SEC24C: variants seen among roughly 807,000 people sequenced by gnomAD.
SEC24C encodes the protein protein transport protein Sec24C.
A neutral mutation model predicts 117.0 loss-of-function variants in SEC24C; 22 were observed. The ratio of observed to expected loss-of-function variants is 0.19; its 90% CI spans 0.13 to 0.27. SEC24C has a LOEUF of 0.27. SEC24C is among the 10% of genes least tolerant of loss of function. The probability of loss-of-function intolerance (pLI) is 1.00; values close to 1 mark genes in which losing one functional copy is unlikely to be tolerated. For missense variants in SEC24C, 1,155 were observed against 1,375.1 expected, an observed-to-expected ratio of 0.84 and a Z score of 2.53; for synonymous variants, 506 against 529.4, an observed-to-expected ratio of 0.96 and a Z score of 0.61.
chr10:73,769,801 C>T lies in SEC24C; in HGVS notation c.2683-35C>T, dbSNP rs781515619. On this transcript the variant is annotated intron_variant, in intron 19 of 22. Transcript: ENST00000345254. This position sits in a 1 kb window ranked among gnomAD's most constrained non-coding sequence, Gnocchi z 4.5. ...ATGTTTGCATTTGGGAGGGATTTCT[C>T]ATGATCATTGACTTTATTTTGATAA... 11 of 1,612,558 alleles carry T rather than the reference C, an allele frequency of 6.8e-6. No homozygotes were observed. In the Admixed American group the frequency reaches 1.3e-4, roughly 20 times the overall value.
rs564023785 is a variant in SEC24C, at chr10:73,766,944, G to A, written c.1893+91G>A. ...ATACAACCTCTCTTTCTTCAGTAGT[G>A]GGTGACTGTCCAGTGTGTTAGACTG... On this transcript the variant is annotated intron_variant, in intron 13 of 22. Transcript: ENST00000345254. 13 of 1,389,474 alleles carry A rather than the reference G, an allele frequency of 9.4e-6. No individual in the cohort carries two copies. In the Admixed American group the frequency reaches 1.3e-4, roughly 14 times the overall value. The allele number at this position is 1,389,474 out of a possible 1,614,324, so 86.1% of individuals were successfully genotyped here.
rs1343722472 is a variant in SEC24C at position 73,770,115 on chromosome 10, G to A, written c.2862+100G>A. The A allele has an allele frequency of 1.4e-5, 18 of 1,304,494 alleles. No individual in the cohort carries two copies. The African/African-American group carries it at 1.9e-4, about 14-fold the overall frequency. The allele number at this position is 1,304,494 out of a possible 1,614,324, so 80.8% of individuals were successfully genotyped here. A position where few individuals can be genotyped will look rare whatever the true frequency, so the allele number is the denominator to read the frequency against. On this transcript the variant is annotated intron_variant, in intron 20 of 22. Transcript: ENST00000345254. ...TATCAGTCAGACACTAGTGGAATTT[G>A]TTTTTATGTATTTTAGCTGATGTAA...
chr10:73,767,273 A>C (rs1479149112), intron 14 of SEC24C, 103 bp downstream of exon 14: 1 of 737,318 alleles, frequency 1.4e-6, no homozygotes, highest in Non-Finnish European at 2.4e-6. Flanking sequence ...CCACCCTTTC[A>C]AATACCATAT....
At chr10:73,759,914 T>C in intron 4 of SEC24C, 104 bp from the exon 5 acceptor site, 4 of 1,489,856 alleles carry the variant, frequency 2.7e-6, no homozygotes, top group Non-Finnish European at 3.6e-6. Flanking sequence ...CCTCAGAAGA[T>C]GGGACAGTCA....
chr10:73,760,020 C>A lies in SEC24C; in HGVS notation c.484C>A (p.Pro162Thr), dbSNP rs368906541. ...TCTACCTTTATTCTACTTCTCAGGCCCACCAACATCGCTGGCTTCAGCCTC... is the reference window on the plus strand; with the variant it reads ...TCTACCTTTATTCTACTTCTCAGGCACACCAACATCGCTGGCTTCAGCCTC... Reference protein sequence around the residue: ...APPSSGLGFGPPTSLASASGS... With the variant: ...APPSSGLGFGTPTSLASASGS... The change falls in exon 5 of 23, where the codon CCA (proline) becomes ACA (threonine). Residue 162 changes from proline (P) to threonine (T), a missense_variant and splice_region_variant. Pro to Thr is a conservative substitution (Grantham distance 38). Transcript: ENST00000345254. The A allele has an allele frequency of 1.3e-6, 2 of 1,574,940 alleles. No homozygotes were observed. The highest frequency in any genetic ancestry group is 1.7e-6 in the Non-Finnish European group (2 of 1,156,864).
chr10:73,766,209 A>C lies in SEC24C; in HGVS notation c.1606A>C (p.Arg536=). 3 of 1,610,928 alleles carry C rather than the reference A, an allele frequency of 1.9e-6. No individual in the cohort carries two copies. Among genetic ancestry groups the C allele is most frequent in the East Asian group, 2.2e-5 (1 of 44,862 alleles). ...ELKSLLDFLP[R]EGGAEESAIR... is the part of the protein sequence containing the mutation. ...CAAGTCACTGTTAGACTTTCTACCT[A>C]GGTGAGAGTTACAGAACTGAGGTGT... The change falls in exon 11 of 23, where the codon AGG becomes CGG. Residue 536 remains arginine (R), a splice_region_variant and synonymous_variant. Coordinates refer to ENST00000345254, the MANE Select transcript of SEC24C (RefSeq NM_198597.3).
Position 73,767,892 on chromosome 10 carries a change from C to G in SEC24C, c.2066C>G (p.Ala689Gly). 1 of 1,613,752 alleles carries G rather than the reference C, an allele frequency of 6.2e-7. No homozygotes were observed. The highest frequency in any genetic ancestry group is 8.5e-7 in the Non-Finnish European group (1 of 1,179,820). ...AYQTLAKECV[A>G]QGCCVDLFLF... ...CAGACCCTGGCCAAAGAGTGTGTGG[C>G]CCAAGGCTGCTGTGTAGATCTCTTT... is the stretch of plus-strand genomic sequence containing the variant. Residue 689 changes from alanine to glycine, a missense_variant, in exon 15 of 23, where the codon GCC becomes GGC. Physicochemically the swap from Ala to Gly is moderately conservative, Grantham distance 60. Around this residue, in one of 2 missense-constraint regions of SEC24C, gnomAD observed 759 missense variants for 992.3 expected, o/e 0.76. Coordinates refer to ENST00000345254, the MANE Select transcript of SEC24C (RefSeq NM_198597.3).
chr10:73,767,233 C>G (rs749722821), intron 14 of SEC24C, 63 bp downstream of exon 14: 3 of 1,089,404 alleles, frequency 2.8e-6, no homozygotes, highest in Non-Finnish European at 4.2e-6. Context: ...GGGGACTCTA[C>G]TTTCTTGATG....
At chr10:73,758,359 G>A (rs1011503237) in intron 3 of SEC24C, among the ~76,000 whole-genome samples, 1 of 152,196 alleles carries the variant, frequency 6.6e-6, no homozygotes, top group African/African-American at 2.4e-5. Flanking sequence ...TTTTTAAAAA[G>A]TTTTTTGAGA....
At position 73,766,140 on chromosome 10, in the gene SEC24C, A is replaced by G. The variant is rs1030327632; in HGVS notation, c.1537A>G (p.Asn513Asp). Reference sequence around the variant, plus strand: ...TATCTTCATGATTGACGTCTCCTACAATGCCATCAGGACTGGTCTTGTTAG... The same window carrying G: ...TATCTTCATGATTGACGTCTCCTACGATGCCATCAGGACTGGTCTTGTTAG... Reference protein sequence around the residue: ...AFIFMIDVSYNAIRTGLVRLL... With the variant: ...AFIFMIDVSYDAIRTGLVRLL... The change falls in exon 11 of 23, where the codon AAT becomes GAT. Residue 513 changes from asparagine (N) to aspartate (D), a missense_variant. By Grantham distance (23) the Asn-to-Asp change is conservative. Transcript: ENST00000345254. 3 of 1,613,910 alleles carry G rather than the reference A, an allele frequency of 1.9e-6. No individual in the cohort carries two copies. Among genetic ancestry groups the G allele is most frequent in the Middle Eastern group, 1.6e-4 (1 of 6,062 alleles).
rs773870252 is a variant in SEC24C at position 73,767,181 on chromosome 10, G to A, written c.2010+11G>A. 6.4e-7 allele frequency: 1 copy of A among 1,555,018 alleles called. No homozygotes were observed. Among genetic ancestry groups the A allele is most frequent in the Non-Finnish European group, 8.9e-7 (1 of 1,126,970 alleles). Reference sequence around the variant, plus strand: ...ACAGACAAGGAGAAGGTGTGGGACTGGAAAATGGGGGAGGGGAAGGATTTT... The same window carrying A: ...ACAGACAAGGAGAAGGTGTGGGACTAGAAAATGGGGGAGGGGAAGGATTTT... On this transcript the variant is annotated intron_variant, in intron 14 of 22. Transcript: ENST00000345254.
chr10:73,766,250 A>T lies in SEC24C; in HGVS notation c.1607+40A>T, dbSNP rs140479391. On this transcript the variant is annotated intron_variant, in intron 11 of 22. Transcript: ENST00000345254. Reference sequence around the variant, plus strand: ...ACTGAGGTGTTTCCTGAGGTTAATGATAGGGTGTCTGGGTTGACTGAAGAA... The same window carrying T: ...ACTGAGGTGTTTCCTGAGGTTAATGTTAGGGTGTCTGGGTTGACTGAAGAA... 9.1e-4 allele frequency: 1,447 copies of T among 1,596,418 alleles called. 18 individuals are homozygous for T. In the African/African-American group the frequency reaches 0.017, roughly 19 times the overall value.
chr10:73,747,914 C>T (rs1364606892), intron 2 of SEC24C, among the ~76,000 whole-genome samples: 6 of 151,972 alleles, frequency 3.9e-5, no homozygotes, highest in Middle Eastern at 3.4e-3. Context: ...CCACCTCGGA[C>T]TCCCAAAATG....
intron 2 of SEC24C, among the ~76,000 whole-genome samples, chr10:73,747,810 C>T (rs746462964): frequency 2.6e-5 from 4 of 152,018 alleles, no homozygotes; most frequent in Non-Finnish European, 5.9e-5. Context: ...CAGGCATGCA[C>T]CACCATACCC....
At chr10:73,755,249 G>A (rs939685431) in intron 3 of SEC24C, among the ~76,000 whole-genome samples, 7 of 152,206 alleles carry the variant, frequency 4.6e-5, no homozygotes, top group African/African-American at 1.7e-4. Context: ...GAAGGTGAGA[G>A]AGTAATCAGT....
In SEC24C at chr10:73,768,835, T is replaced by C; in HGVS notation, c.2207T>C (p.Leu736Pro). Residue 736 changes from leucine to proline, a missense_variant, in exon 16 of 23, where the codon CTG becomes CCG. Physicochemically the swap from Leu to Pro is moderately conservative, Grantham distance 98 (BLOSUM62 -3). Around this residue, in one of 2 missense-constraint regions of SEC24C, gnomAD observed 759 missense variants for 992.3 expected, o/e 0.76. Transcript: ENST00000345254. ...GTGGAGAACGACCAGGAGCGGTTCC[T>C]GAGTGACCTGCGTCGTGATGTCCAG... ...FQVENDQERF[L>P]SDLRRDVQKV... The C allele has an allele frequency of 6.2e-7, 1 of 1,613,680 alleles. No individual in the cohort carries two copies. Among genetic ancestry groups the C allele is most frequent in the Non-Finnish European group, 8.5e-7 (1 of 1,179,928 alleles).
intron 1 of SEC24C, among the ~76,000 whole-genome samples, chr10:73,746,408 AT>A (rs2082554392): frequency 6.6e-6 from 1 of 152,206 alleles, no homozygotes; most frequent in South Asian, 2.1e-4. Flanking sequence ...GAATGAATGG[AT>A]GCTAGAGTGA....
intron 2 of SEC24C, among the ~76,000 whole-genome samples, chr10:73,747,707 T>C (rs2082579334): frequency 6.7e-6 from 1 of 148,916 alleles, no homozygotes; most frequent in South Asian, 2.2e-4. Flanking sequence ...TTGCCCAGGC[T>C]GTAGTGCAGT....
rs199735618 is a variant in SEC24C, at chr10:73,768,818, C to T, written c.2190C>T (p.Asn730=). ...GACCTGGGGGCCTGCAGGTGGAGAA[C>T]GACCAGGAGCGGTTCCTGAGTGACC... ...VYKYASFQVE[N]DQERFLSDLR... Residue 730 remains asparagine, a synonymous_variant, in exon 16 of 23, where the codon AAC becomes AAT. Transcript: ENST00000345254. 148 of 1,612,988 alleles carry T rather than the reference C, an allele frequency of 9.2e-5. No homozygotes were observed. The highest frequency in any genetic ancestry group is 5.0e-5 in the Admixed American group (3 of 59,982).
Sources: gnomAD v4.1 joint callset for allele counts (sites outside exome capture counted in the v4.1 genomes callset) on GRCh38, gnomAD v4.1.1 for gene constraint, gnomAD v4.1.1 regional missense constraint, Gnocchi (gnomAD v3.1) non-coding constraint, MANE v1.5 for transcripts, NCBI Gene and HGNC (gene_info 2026-07-23, HGNC 2026-07-21) for gene names.